SLC26A7: variants seen among roughly 807,000 people sequenced by gnomAD.
SLC26A7 encodes anion exchange transporter.
A neutral mutation model predicts 82.5 loss-of-function variants in SLC26A7; 59 were observed. The observed-to-expected ratio is 0.72, with a 90% CI of 0.58 to 0.89. SLC26A7 has a LOEUF of 0.89. Ranked by LOEUF, SLC26A7 falls within the 40% of genes least tolerant of loss-of-function variation. The pLI is 0.00. For synonymous variants in SLC26A7, 271 were observed against 274.3 expected (o/e 0.99, Z 0.12); for missense variants, 820 against 793.0 (o/e 1.03, Z -0.41).
intron 15 of SLC26A7, among the ~76,000 whole-genome samples, chr8:91,378,853 AATCTGTAAC>A (rs920248533): frequency 1.3e-5 from 2 of 152,158 alleles, no homozygotes; most frequent in African/African-American, 4.8e-5. Context: ...TATATTTGGA[AATCTGTAAC>A]AATTAAAAGG....
chr8:91,309,887 AG>A (rs1812430096), intron 4 of SLC26A7, among the ~76,000 whole-genome samples: 1 of 151,984 alleles, frequency 6.6e-6, no homozygotes, highest in Admixed American at 6.6e-5. Flanking sequence ...TGTTTACTGG[AG>A]TCATATGCAT....
intron 7 of SLC26A7, among the ~76,000 whole-genome samples, chr8:91,339,841 GGTTA>G (rs1319442210): frequency 2.6e-5 from 4 of 152,004 alleles, no homozygotes; most frequent in Non-Finnish European, 5.9e-5. Context: ...TGAAGCAGAG[GGTTA>G]GTTAGATGGA....
At chr8:91,291,131 A>T (rs4374951) in intron 3 of SLC26A7, among the ~76,000 whole-genome samples, 2 of 151,976 alleles carry the variant, frequency 1.3e-5, no homozygotes, top group Non-Finnish European at 2.9e-5. Context: ...TTATTAGGTA[A>T]TTTATTAAGA....
chr8:91,295,803 T>TCCACCTATAAAGAC, intron 4 of SLC26A7, 100 bp downstream of exon 4: 1 of 1,234,758 alleles, frequency 8.1e-7, no homozygotes, highest in Non-Finnish European at 1.1e-6. Flanking sequence ...TTTGTCTTTA[T>TCCACCTATAAAGAC]AGGTGGATAA....
intron 2 of SLC26A7, among the ~76,000 whole-genome samples, chr8:91,283,884 G>C (rs1161562353): frequency 6.6e-6 from 1 of 151,990 alleles, no homozygotes; most frequent in East Asian, 1.9e-4. Context: ...AAGAATTTTG[G>C]CTTTGCTTTT....
In SLC26A7 at chr8:91,305,785, G is replaced by A. The variant is rs561610000; in HGVS notation, c.477+10082G>A. Among the ~76,000 whole-genome samples the A allele has an allele frequency of 6.3e-4, 96 of 152,292 alleles. 1 individual carries two copies. Among genetic ancestry groups the A allele is most frequent in the African/African-American group, 2.3e-3 (94 of 41,564 alleles). ...AACATATGATTAGTTTGTCTGTGGA[G>A]TAATGTGTACTTGGCTCATCTCTCT... On this transcript the variant is annotated intron_variant, in intron 4 of 18. Coordinates refer to ENST00000276609, the MANE Select transcript of SLC26A7 (RefSeq NM_052832.4).
chr8:91,259,957 G>A (rs1434913151), intron 2 of SLC26A7, among the ~76,000 whole-genome samples: 3 of 152,038 alleles, frequency 2.0e-5, no homozygotes, highest in South Asian at 4.1e-4. Context: ...GAGCAGCCAG[G>A]GTTGAGAACT....
intron 2 of SLC26A7, among the ~76,000 whole-genome samples, chr8:91,274,182 A>G (rs1811345614): frequency 6.6e-6 from 1 of 152,220 alleles, no homozygotes; most frequent in Admixed American, 6.5e-5. Context: ...AATAAATGCT[A>G]TTATTGTAAC....
intron 2 of SLC26A7, among the ~76,000 whole-genome samples, chr8:91,229,718 T>C (rs1810286674): frequency 6.6e-6 from 1 of 152,198 alleles, no homozygotes; most frequent in Non-Finnish European, 1.5e-5. Flanking sequence ...CAAACCTTTA[T>C]AAAGATATGG....
chr8:91,250,928 G>C lies in SLC26A7; in HGVS notation c.193+1084G>C, dbSNP rs1261863486. Among the ~76,000 whole-genome samples the C allele has an allele frequency of 3.9e-5, 6 of 151,980 alleles. No homozygotes were observed. In the South Asian group the frequency reaches 1.0e-3, roughly 26 times the overall value. On this transcript the variant is annotated intron_variant, in intron 2 of 18. Coordinates refer to ENST00000276609, the MANE Select transcript of SLC26A7 (RefSeq NM_052832.4). Reference sequence around the variant, plus strand: ...ACCATTTTGCCAATAGAAATGCATAGTAATCTTTCAGAAAAATGCAAAGTA... The same window carrying C: ...ACCATTTTGCCAATAGAAATGCATACTAATCTTTCAGAAAAATGCAAAGTA...
At chr8:91,211,371 A>G (rs1311796423) in intron 1 of SLC26A7, among the ~76,000 whole-genome samples, 1 of 151,724 alleles carries the variant, frequency 6.6e-6, no homozygotes, top group Non-Finnish European at 1.5e-5. Context: ...GATGCTTAAA[A>G]TATTTAAAGA....
At chr8:91,323,570 C>T (rs972451203) in intron 5 of SLC26A7, among the ~76,000 whole-genome samples, 2 of 152,152 alleles carry the variant, frequency 1.3e-5, no homozygotes, top group African/African-American at 4.8e-5. Context: ...ATGTCTTTAG[C>T]TATTTAACAT....
chr8:91,338,020 T>A (rs1266455869), intron 6 of SLC26A7, 130 bp from the exon 7 acceptor site: 2 of 490,898 alleles, frequency 4.1e-6, no homozygotes, highest in Non-Finnish European at 6.8e-6. Flanking sequence ...TTTGAAAGTC[T>A]GTGCAACTGC....
At position 91,315,838 on chromosome 8, in the gene SLC26A7, C is replaced by T. The variant is rs1167267238; in HGVS notation, c.478-2378C>T. On this transcript the variant is annotated intron_variant, in intron 4 of 18. Coordinates refer to ENST00000276609, the MANE Select transcript of SLC26A7 (RefSeq NM_052832.4). ...ACACCCCCTGTTGTTCCTGCTACAT[C>T]ATAGGTTAAACATTTTACAGGTTTC... Among the ~76,000 whole-genome samples the T allele has an allele frequency of 3.3e-5, 5 of 152,272 alleles. 1 individual carries two copies. The South Asian group carries it at 8.3e-4, about 25-fold the overall frequency.
At chr8:91,387,624 T>A (rs911744982) in intron 15 of SLC26A7, among the ~76,000 whole-genome samples, 5 of 134,478 alleles carry the variant, frequency 3.7e-5, no homozygotes, top group Non-Finnish European at 7.7e-5. Context: ...ACTTCTCCTT[T>A]TTGGAATCAA....
chr8:91,249,986 T>C, intron 2 of SLC26A7, 142 bp downstream of exon 2: 3 of 601,192 alleles, frequency 5.0e-6, no homozygotes, highest in Non-Finnish European at 5.1e-6. Flanking sequence ...TTGGATATAT[T>C]TGGAGAAGAG....
intron 4 of SLC26A7, among the ~76,000 whole-genome samples, chr8:91,308,586 C>T (rs1812389548): frequency 6.6e-6 from 1 of 152,098 alleles, no homozygotes; most frequent in Non-Finnish European, 1.5e-5. Context: ...GGAAATAAGT[C>T]ATTATGAATA....
chr8:91,334,510 T>C (rs772894049), intron 6 of SLC26A7, 63 bp downstream of exon 6: 11 of 1,449,282 alleles, frequency 7.6e-6, no homozygotes, highest in Non-Finnish European at 1.0e-5. Context: ...TGGGGAGATC[T>C]GCAGATGCTT....
intron 14 of SLC26A7, 152 bp downstream of exon 14, chr8:91,366,869 AT>A: frequency 1.2e-6 from 1 of 852,496 alleles, no homozygotes. Flanking sequence ...ATTTTAGTTA[AT>A]TTTTAGGTAA....
Sources: gnomAD v4.1 joint callset for allele counts (sites outside exome capture counted in the v4.1 genomes callset) on GRCh38, gnomAD v4.1.1 for gene constraint, MANE v1.5 for transcripts, NCBI Gene and HGNC (gene_info 2026-07-23, HGNC 2026-07-21) for gene names.